The following ABCA10 variants were observed in gnomAD, a reference collection of about 807,000 sequenced individuals.
ABCA10 encodes ATP binding cassette subfamily A member 10.
ABCA10 carries 169 observed loss-of-function variants against 187.5 expected under a neutral mutation model. The ratio of observed to expected loss-of-function variants is 0.90; its 90% CI spans 0.80 to 1.02. ABCA10 has a LOEUF of 1.02. Ranked by LOEUF, ABCA10 falls within the 50% of genes least tolerant of loss-of-function variation. ABCA10 has a pLI of 0.00. For missense variants in ABCA10, 1,727 were observed against 1,812.4 expected (o/e 0.95, Z 0.86); for synonymous variants, 574 against 601.8 (o/e 0.95, Z 0.68).
intron 24 of ABCA10, 67 bp downstream of exon 24, chr17:69,174,536 ACATT>A (rs1400626896): frequency 6.7e-7 from 1 of 1,483,982 alleles, no homozygotes; most frequent in African/African-American, 1.4e-5. Flanking sequence ...TAATGACAAA[ACATT>A]CATGAAAATG....
At chr17:69,240,315 G>A (rs1233437596) in intron 1 of ABCA10, among the ~76,000 whole-genome samples, 1 of 152,186 alleles carries the variant, frequency 6.6e-6, no homozygotes, top group East Asian at 1.9e-4. Context: ...GAAGTTAGGA[G>A]CAGATCCTGG....
At position 69,177,971 on chromosome 17, in the gene ABCA10, A is replaced by AT. The variant is rs1480621345; in HGVS notation, c.2770-2459_2770-2458insA. Among the ~76,000 whole-genome samples, 303 of 56,758 alleles carry AT rather than the reference A, an allele frequency of 5.3e-3. 7 individuals are homozygous for AT. The highest frequency in any genetic ancestry group is 0.011 in the South Asian group (16 of 1,436). 37.2% of individuals were successfully genotyped at this position (56,758 alleles called of 152,430 possible). A position where few individuals can be genotyped will look rare whatever the true frequency, so the allele number is the denominator to read the frequency against. ...ACTCCATTTCAAAAAAAAAAAAAAA[A>AT]AAATATATATATATATATATGTTAT... is the stretch of plus-strand genomic sequence containing the variant. On this transcript the variant is annotated intron_variant, in intron 22 of 38. Coordinates refer to ENST00000690296, the MANE Select transcript of ABCA10 (RefSeq NM_001377321.1).
intron 21 of ABCA10, 118 bp downstream of exon 21, chr17:69,182,557 C>A: frequency 7.8e-7 from 1 of 1,281,366 alleles, no homozygotes; most frequent in Non-Finnish European, 1.0e-6. Context: ...TTCAAGCCTC[C>A]TCTAATATGA....
upstream of ABCA10, among the ~76,000 whole-genome samples, chr17:69,231,456 T>C (rs2074831484): frequency 6.6e-6 from 1 of 152,194 alleles, no homozygotes; most frequent in Non-Finnish European, 1.5e-5. Flanking sequence ...TTGGTTCTAG[T>C]ATATCATGTT....
chr17:69,182,639 A>T, intron 21 of ABCA10, 36 bp downstream of exon 21: 1 of 1,535,256 alleles, frequency 6.5e-7, no homozygotes, highest in Non-Finnish European at 8.7e-7. Flanking sequence ...AAACAAAAAA[A>T]AACCAAAAAA....
Position 69,225,434 on chromosome 17 carries a change from C to G in ABCA10, c.-76G>C, listed in dbSNP as rs1323399373. 4 of 1,524,600 alleles carry G rather than the reference C, an allele frequency of 2.6e-6. No individual in the cohort carries two copies. In the South Asian group the frequency reaches 3.4e-5, roughly 13 times the overall value. The allele number at this position is 1,524,600 out of a possible 1,614,324, so 94.4% of individuals were successfully genotyped here. A position where few individuals can be genotyped will look rare whatever the true frequency, so the allele number is the denominator to read the frequency against. ...AGTCATTAAACTGATCCACGCTTCC[C>G]AGGACTTTAGGAGGTTGTTCAGGAA... On this transcript the variant is annotated 5_prime_UTR_variant, in exon 3 of 39. Transcript: ENST00000690296.
At chr17:69,215,495 T>C in intron 8 of ABCA10, 1 of 196,886 alleles carries the variant, frequency 5.1e-6, no homozygotes, top group East Asian at 1.4e-4. Flanking sequence ...CCCTTATCCA[T>C]GCCATCTGGC....
chr17:69,149,169 T>C, intron 37 of ABCA10, 81 bp from the exon 38 acceptor site: 1 of 1,478,756 alleles, frequency 6.8e-7, no homozygotes, highest in Non-Finnish European at 9.4e-7. Flanking sequence ...AGACAGTAGC[T>C]TCAAATTGTT....
At chr17:69,221,729 G>A in intron 5 of ABCA10, 63 bp downstream of exon 5, 1 of 1,390,694 alleles carries the variant, frequency 7.2e-7, no homozygotes, top group Non-Finnish European at 9.9e-7. Context: ...AGGGGATGAG[G>A]CAGATATTTA....
At chr17:69,192,187 G>A (rs1244117691) in intron 16 of ABCA10, among the ~76,000 whole-genome samples, 1 of 152,176 alleles carries the variant, frequency 6.6e-6, no homozygotes, top group African/African-American at 2.4e-5. Flanking sequence ...AGCTGGGCAT[G>A]GTGGCGCATG....
chr17:69,193,749 C>CA (rs1164926975), intron 13 of ABCA10, 65 bp downstream of exon 13: 67 of 1,574,966 alleles, frequency 4.3e-5, no homozygotes, highest in East Asian at 3.1e-4. Flanking sequence ...AATAGCTGAA[C>CA]AAAAAAAATA....
At chr17:69,154,468 A>C (rs1332912376) in intron 30 of ABCA10, 142 bp from the exon 31 acceptor site, 1 of 625,314 alleles carries the variant, frequency 1.6e-6, no homozygotes, top group South Asian at 2.1e-5. Context: ...TCTGTTGCCT[A>C]GGCTGGACTG....
chr17:69,153,008 T>C (rs569280960), intron 34 of ABCA10, among the ~76,000 whole-genome samples: 3 of 152,212 alleles, frequency 2.0e-5, no homozygotes, highest in Non-Finnish European at 2.9e-5. Context: ...CATCATACTA[T>C]ATGACTTTCA....
At chr17:69,160,742 G>T (rs561450127) in intron 27 of ABCA10, among the ~76,000 whole-genome samples, 111 of 152,290 alleles carry the variant, frequency 7.3e-4, no homozygotes, top group African/African-American at 2.5e-3. Context: ...CCATTAGGAT[G>T]ACTACTATAT....
rs776103290 is a variant in ABCA10, at chr17:69,174,782, C to T, written c.2878-5G>A. On this transcript the variant is annotated splice_region_variant and splice_polypyrimidine_tract_variant and intron_variant, in intron 23 of 38. Transcript: ENST00000690296. ...TAACTGGGATTGAACATTTTTCTGA[C>T]AAAGAATAGAAGGGATAGAGGAAGG... The T allele has an allele frequency of 2.7e-5, 42 of 1,569,282 alleles. 1 individual carries two copies. In the South Asian group the frequency reaches 4.3e-4, roughly 16 times the overall value.
intron 25 of ABCA10, 119 bp downstream of exon 25, chr17:69,174,162 A>G (rs2074315944): frequency 1.6e-6 from 1 of 640,552 alleles, no homozygotes; most frequent in African/African-American, 1.9e-5. Context: ...AAAGTACAAA[A>G]GAAAAACAAA....
chr17:69,191,010 G>A (rs1269777159), intron 17 of ABCA10, among the ~76,000 whole-genome samples, 166 bp downstream of exon 17: 3 of 151,936 alleles, frequency 2.0e-5, no homozygotes, highest in Admixed American at 1.3e-4. Flanking sequence ...GCTATAATAC[G>A]TCCCTGGTAA....
At chr17:69,231,765 T>C (rs1174341903), upstream of ABCA10, among the ~76,000 whole-genome samples, 1 of 152,234 alleles carries the variant, frequency 6.6e-6, no homozygotes, top group Admixed American at 6.5e-5. Flanking sequence ...GAATGTTTTA[T>C]AAATGTCTGT....
chr17:69,173,164 C>T (rs551719570), intron 25 of ABCA10, among the ~76,000 whole-genome samples: 95 of 152,154 alleles, frequency 6.2e-4, no homozygotes, highest in African/African-American at 2.1e-3. Context: ...TGACTAATGC[C>T]GATGGTTAAG....
Sources: allele counts gnomAD v4.1 joint callset (sites outside exome capture counted in the v4.1 genomes callset), GRCh38; gene constraint gnomAD v4.1.1; transcripts MANE v1.5; gene names NCBI Gene and HGNC (gene_info 2026-07-23, HGNC 2026-07-21).